LAP3: variants seen among roughly 807,000 people sequenced by gnomAD.
LAP3 encodes the protein cytosol aminopeptidase.
A neutral mutation model predicts 58.8 loss-of-function variants in LAP3; 46 were observed. That is an observed-to-expected ratio of 0.78 (90% CI 0.62 to 1.00). The LOEUF (loss-of-function observed/expected upper bound fraction) is 1.00, where lower values mean the gene tolerates loss of function less well. LAP3 is among the 50% of genes least tolerant of loss of function. The probability of loss-of-function intolerance (pLI) is 0.00; values close to 1 mark genes in which losing one functional copy is unlikely to be tolerated. For synonymous variants in LAP3, 257 were observed against 237.7 expected (o/e 1.08, Z -0.75); for missense variants, 615 against 659.1 (o/e 0.93, Z 0.73).
intron 10 of LAP3, among the ~76,000 whole-genome samples, chr4:17,603,822 TTTTC>T (rs869250724): frequency 1.9e-4 from 16 of 84,584 alleles, no homozygotes; most frequent in East Asian, 9.8e-4. Context: ...CCTTTTTTTT[TTTTC>T]TTTCTTTCTT....
chr4:17,595,369 T>C, intron 7 of LAP3, 41 bp from the exon 8 acceptor site: 1 of 1,599,606 alleles, frequency 6.3e-7, no homozygotes, highest in African/African-American at 1.3e-5. Context: ...TTTGGCCATC[T>C]TCTTTGCTCT....
In LAP3 at chr4:17,577,369, A is replaced by C. The variant is rs1286835822; in HGVS notation, c.-97A>C. 2 of 911,436 alleles carry C rather than the reference A, an allele frequency of 2.2e-6. No individual in the cohort carries two copies. The highest frequency in any genetic ancestry group is 1.8e-5 in the African/African-American group (1 of 55,878). The allele number at this position is 911,436 out of a possible 1,614,324, so 56.5% of individuals were successfully genotyped here. Reference sequence around the variant, plus strand: ...CCGGCGCCCGAGCCAGTCCGCGCGCACGCCGTCTGCGCCCCGAAAGCCCCG... The same window carrying C: ...CCGGCGCCCGAGCCAGTCCGCGCGCCCGCCGTCTGCGCCCCGAAAGCCCCG... On this transcript the variant is annotated 5_prime_UTR_variant, in exon 1 of 13. Transcript: ENST00000226299.
intron 4 of LAP3, among the ~76,000 whole-genome samples, chr4:17,583,161 G>A (rs1222898322): frequency 6.6e-6 from 1 of 152,158 alleles, no homozygotes; most frequent in Non-Finnish European, 1.5e-5. Flanking sequence ...CAATTGGGAA[G>A]CTTCATCAGG....
chr4:17,593,609 GTTTTTTT>G (rs55676326), intron 7 of LAP3, among the ~76,000 whole-genome samples: 1 of 87,608 alleles, frequency 1.1e-5, no homozygotes, highest in Non-Finnish European at 2.0e-5. Flanking sequence ...ATCTGCTTGG[GTTTTTTT>G]TTTTTTTTTT....
intron 7 of LAP3, among the ~76,000 whole-genome samples, chr4:17,591,663 A>G (rs1379997165): frequency 6.6e-6 from 1 of 152,170 alleles, no homozygotes; most frequent in African/African-American, 2.4e-5. Context: ...GACTAGGGAC[A>G]GGCATTCTAG....
In LAP3 at chr4:17,607,768, G is replaced by A. The variant is rs976620279; in HGVS notation, c.*179G>A. ...TCATTTCACACAAAGATTTATAAAG[G>A]TAAAGTTAATATCTTACTTGATAAG... On this transcript the variant is annotated 3_prime_UTR_variant, in exon 13 of 13. Coordinates refer to ENST00000226299, the MANE Select transcript of LAP3 (RefSeq NM_015907.3). 4 of 507,102 alleles carry A rather than the reference G, an allele frequency of 7.9e-6. No individual in the cohort carries two copies. Among genetic ancestry groups the A allele is most frequent in the African/African-American group, 5.8e-5 (3 of 51,418 alleles). 31.4% of individuals were successfully genotyped at this position (507,102 alleles called of 1,614,324 possible). A position where few individuals can be genotyped will look rare whatever the true frequency, so the allele number is the denominator to read the frequency against.
intron 11 of LAP3, among the ~76,000 whole-genome samples, chr4:17,605,524 TG>T (rs1714103727): frequency 6.6e-6 from 1 of 152,208 alleles, no homozygotes; most frequent in South Asian, 2.1e-4. Context: ...TAGTAATTAA[TG>T]GGAGCTTACT....
rs77958531 is a variant in LAP3, at chr4:17,607,912, G to T, written c.*323G>T. 2,493 of 193,750 alleles carry T rather than the reference G, an allele frequency of 0.013. 51 individuals carry two copies. The highest frequency in any genetic ancestry group is 0.045 in the East Asian group (335 of 7,504). The allele number at this position is 193,750 out of a possible 1,614,324, so 12.0% of individuals were successfully genotyped here. A position where few individuals can be genotyped will look rare whatever the true frequency, so the allele number is the denominator to read the frequency against. Reference sequence around the variant, plus strand: ...CTCAGATTTGTGATGCTAGGAACATGAGCAAACTGAAAATTACTATGCACT... The same window carrying T: ...CTCAGATTTGTGATGCTAGGAACATTAGCAAACTGAAAATTACTATGCACT... On this transcript the variant is annotated 3_prime_UTR_variant, in exon 13 of 13. Transcript: ENST00000226299.
At chr4:17,588,384 A>G (rs1487870302) in intron 6 of LAP3, among the ~76,000 whole-genome samples, 2 of 152,114 alleles carry the variant, frequency 1.3e-5, no homozygotes, top group Non-Finnish European at 1.5e-5. Flanking sequence ...AGCTGAAGCA[A>G]TTCTCTCACC....
intron 11 of LAP3, among the ~76,000 whole-genome samples, chr4:17,605,958 G>T (rs1013395555): frequency 1.3e-5 from 2 of 152,154 alleles, no homozygotes; most frequent in African/African-American, 4.8e-5. Flanking sequence ...GCTGCTTCTT[G>T]ATTTTTCACT....
In LAP3 at chr4:17,607,911, T is replaced by G. The variant is rs1714188495; in HGVS notation, c.*322T>G. 1 of 195,338 alleles carries G rather than the reference T, an allele frequency of 5.1e-6. No homozygotes were observed. Among genetic ancestry groups the G allele is most frequent in the African/African-American group, 2.3e-5 (1 of 42,772 alleles). 12.1% of individuals were successfully genotyped at this position (195,338 alleles called of 1,614,324 possible). On this transcript the variant is annotated 3_prime_UTR_variant, in exon 13 of 13. Transcript: ENST00000226299. ...ACTCAGATTTGTGATGCTAGGAACA[T>G]GAGCAAACTGAAAATTACTATGCAC...
At chr4:17,584,114 C>A (rs1432246408) in intron 5 of LAP3, among the ~76,000 whole-genome samples, 1 of 152,244 alleles carries the variant, frequency 6.6e-6, no homozygotes, top group East Asian at 1.9e-4. Flanking sequence ...GCAGATGGTG[C>A]CAAGCACAGT....
intron 10 of LAP3, 118 bp from the exon 11 acceptor site, chr4:17,604,470 A>G (rs1422844088): frequency 2.9e-6 from 2 of 685,628 alleles, no homozygotes; most frequent in East Asian, 2.5e-5. Context: ...AAGCTTATCT[A>G]TTTTTGAAAA....
chr4:17,581,183 C>T (rs1271722045), intron 2 of LAP3, among the ~76,000 whole-genome samples: 1 of 152,196 alleles, frequency 6.6e-6, no homozygotes, highest in African/African-American at 2.4e-5. Flanking sequence ...GGTATCCAGT[C>T]TGTGGAGAAA....
chr4:17,595,734 G>A (rs1713812468), intron 8 of LAP3, among the ~76,000 whole-genome samples, 200 bp downstream of exon 8: 2 of 152,158 alleles, frequency 1.3e-5, no homozygotes, highest in Non-Finnish European at 2.9e-5. Flanking sequence ...CAACCAGTGG[G>A]CTGTAACTGG....
intron 6 of LAP3, among the ~76,000 whole-genome samples, chr4:17,586,508 T>A (rs1713518873): frequency 6.6e-6 from 1 of 152,206 alleles, no homozygotes; most frequent in African/African-American, 2.4e-5. Context: ...AAATAGTGGT[T>A]ATGACAGCCC....
intron 6 of LAP3, chr4:17,585,837 C>G (rs1184295869): frequency 2.0e-5 from 3 of 152,318 alleles, no homozygotes; most frequent in Admixed American, 6.5e-5. Context: ...TTTCCCATTC[C>G]CTAAAGCCAG....
rs1714156278 is a variant in LAP3 at position 17,606,904 on chromosome 4, C to T, written c.1336C>T (p.Gln446Ter). 6.2e-7 allele frequency: 1 copy of T among 1,612,796 alleles called. No individual in the cohort carries two copies. The highest frequency in any genetic ancestry group is 8.5e-7 in the Non-Finnish European group (1 of 1,179,396). Residue 446 changes from glutamine to a stop codon, truncating the protein, a stop_gained, in exon 12 of 13, where the codon CAG becomes TAG. Coordinates refer to ENST00000226299, the MANE Select transcript of LAP3 (RefSeq NM_015907.3). LOFTEE classifies it high-confidence loss of function. ...EHYTRQVVDCQLADVNNIGKY... is the reference protein window; with the variant it reads ...EHYTRQVVDC ...TTATACAAGACAGGTTGTAGATTGC[C>T]AGCTTGCTGATGTTAACAACATTGG... is the stretch of plus-strand genomic sequence containing the variant.
At chr4:17,579,234 A>G (rs1396766396) in intron 1 of LAP3, among the ~76,000 whole-genome samples, 2 of 152,224 alleles carry the variant, frequency 1.3e-5, no homozygotes, top group Non-Finnish European at 2.9e-5. Context: ...AACTAACAGA[A>G]GATAAGGGTG....
Sources: gnomAD v4.1 joint callset for allele counts (sites outside exome capture counted in the v4.1 genomes callset) on GRCh38, gnomAD v4.1.1 for gene constraint, MANE v1.5 for transcripts, NCBI Gene and HGNC (gene_info 2026-07-23, HGNC 2026-07-21) for gene names.